UBASH3B: variants seen among roughly 807,000 people sequenced by gnomAD.
The protein encoded by UBASH3B is ubiquitin associated and SH3 domain containing B.
UBASH3B carries 37 observed loss-of-function variants against 83.4 expected under a neutral mutation model. The observed-to-expected ratio is 0.44, with a 90% CI of 0.34 to 0.58. The LOEUF is 0.58. Among genes scored for constraint, UBASH3B ranks in the 20% least tolerant of loss-of-function variants. The pLI is 0.01. For missense variants in UBASH3B, 657 were observed against 827.2 expected (o/e 0.79, Z 2.52); for synonymous variants, 304 against 318.3 (o/e 0.96, Z 0.48).
At chr11:122,720,059 C>T (rs1425228682) in intron 1 of UBASH3B, among the ~76,000 whole-genome samples, 1 of 152,174 alleles carries the variant, frequency 6.6e-6, no homozygotes, top group Non-Finnish European at 1.5e-5. Flanking sequence ...TCTAAACTCA[C>T]CCCCATAGTA....
chr11:122,670,179 ATGTGTG>A (rs34408096), intron 1 of UBASH3B, among the ~76,000 whole-genome samples: 1 of 149,410 alleles, frequency 6.7e-6, no homozygotes, highest in African/African-American at 2.5e-5. Flanking sequence ...CTGAGTGTGA[ATGTGTG>A]TGTGTGTGTG....
intron 6 of UBASH3B, among the ~76,000 whole-genome samples, chr11:122,789,644 C>G (rs1294749660): frequency 1.3e-5 from 2 of 152,182 alleles, no homozygotes; most frequent in Admixed American, 6.5e-5. Flanking sequence ...TATCCTGGGT[C>G]ATGAGTCAGG....
At chr11:122,809,714 C>G in intron 13 of UBASH3B, 35 bp from the exon 14 acceptor site, 1 of 1,612,716 alleles carries the variant, frequency 6.2e-7, no homozygotes, top group Non-Finnish European at 8.5e-7. Context: ...AAACCTATCT[C>G]CTAATATCCC....
intron 1 of UBASH3B, among the ~76,000 whole-genome samples, chr11:122,688,275 T>A (rs1288355441): frequency 6.6e-6 from 1 of 151,728 alleles, no homozygotes; most frequent in African/African-American, 2.4e-5. Flanking sequence ...CTTCCTCCCC[T>A]TCCTTCCTCC....
At chr11:122,695,202 G>A (rs986434276) in intron 1 of UBASH3B, among the ~76,000 whole-genome samples, 2 of 152,110 alleles carry the variant, frequency 1.3e-5, no homozygotes, top group Admixed American at 6.5e-5. Flanking sequence ...GACCTCAAGT[G>A]ATCCACCCGT....
At chr11:122,790,515 C>T (rs1298334397) in intron 6 of UBASH3B, among the ~76,000 whole-genome samples, 2 of 152,162 alleles carry the variant, frequency 1.3e-5, no homozygotes, top group Non-Finnish European at 2.9e-5. Context: ...TTAATCCCTA[C>T]AACAACAAGT....
intron 11 of UBASH3B, among the ~76,000 whole-genome samples, chr11:122,802,313 GAA>G (rs147011358): frequency 0.19 from 12,269 of 65,064 alleles, 398 homozygotes; most frequent in Admixed American, 0.28. Flanking sequence ...GACTCTGTCT[GAA>G]AAAAAAAAAA....
chr11:122,743,055 C>G (rs1861052010), intron 1 of UBASH3B, among the ~76,000 whole-genome samples: 1 of 152,162 alleles, frequency 6.6e-6, no homozygotes, highest in Non-Finnish European at 1.5e-5. Flanking sequence ...TCTCTTTAGT[C>G]TTCTCTCCTT....
chr11:122,804,088 C>T (rs548775481), intron 11 of UBASH3B, among the ~76,000 whole-genome samples: 1 of 152,256 alleles, frequency 6.6e-6, no homozygotes, highest in East Asian at 1.9e-4. Context: ...CTACATAAAT[C>T]TCACACATTA....
chr11:122,776,420 A>G, intron 2 of UBASH3B, 148 bp downstream of exon 2: 2 of 682,842 alleles, frequency 2.9e-6, no homozygotes, highest in Non-Finnish European at 4.7e-6. Flanking sequence ...TATCAAGTCA[A>G]TTGCCTCCTC....
chr11:122,700,483 A>G (rs1446692291), intron 1 of UBASH3B, among the ~76,000 whole-genome samples: 1 of 138,328 alleles, frequency 7.2e-6, no homozygotes, highest in Non-Finnish European at 1.5e-5. Context: ...TCACTCTCAT[A>G]GTTTACTTCT....
At chr11:122,740,981 G>C (rs76412677) in intron 1 of UBASH3B, among the ~76,000 whole-genome samples, 1 of 152,160 alleles carries the variant, frequency 6.6e-6, no homozygotes, top group Non-Finnish European at 1.5e-5. Context: ...CAAATCGTTC[G>C]CAGGGATTTT....
chr11:122,676,453 C>T (rs937975223), intron 1 of UBASH3B, among the ~76,000 whole-genome samples: 16 of 152,064 alleles, frequency 1.1e-4, no homozygotes, highest in Admixed American at 5.9e-4. Flanking sequence ...GCAGGAGAAT[C>T]GCTTGAAAAC....
Position 122,727,027 on chromosome 11 carries a change from C to T in UBASH3B, c.162-49192C>T, listed in dbSNP as rs1259108289. Among the ~76,000 whole-genome samples the T allele has an allele frequency of 2.6e-5, 4 of 152,290 alleles. No homozygotes were observed. The South Asian group carries it at 8.3e-4, about 32-fold the overall frequency. ...AGGACTTATTTTTAAAAAAGGATTC[C>T]GATTGCTAATTGTTAACAAGTTGCT... On this transcript the variant is annotated intron_variant, in intron 1 of 13. Transcript: ENST00000284273.
At chr11:122,755,891 T>G (rs1424527314) in intron 1 of UBASH3B, among the ~76,000 whole-genome samples, 1 of 152,230 alleles carries the variant, frequency 6.6e-6, no homozygotes, top group African/African-American at 2.4e-5. Flanking sequence ...ATTAATTTGA[T>G]TGTCTGTTTC....
At chr11:122,707,418 C>T (rs1045746222) in intron 1 of UBASH3B, among the ~76,000 whole-genome samples, 12 of 152,162 alleles carry the variant, frequency 7.9e-5, no homozygotes, top group African/African-American at 2.4e-4. Flanking sequence ...TTGCCTCTTC[C>T]TCCTCTGGGC....
At chr11:122,788,194 T>A (rs1385330305) in intron 5 of UBASH3B, among the ~76,000 whole-genome samples, 1 of 152,246 alleles carries the variant, frequency 6.6e-6, no homozygotes, top group Non-Finnish European at 1.5e-5. Context: ...CACTGATGTC[T>A]AGACATTTTT....
chr11:122,740,530 G>A (rs1281950644), intron 1 of UBASH3B, among the ~76,000 whole-genome samples: 1 of 152,226 alleles, frequency 6.6e-6, no homozygotes, highest in East Asian at 1.9e-4. Context: ...GATGCACACG[G>A]CAACCATATG....
At chr11:122,777,423 C>T (rs1860757520) in intron 3 of UBASH3B, among the ~76,000 whole-genome samples, 1 of 152,188 alleles carries the variant, frequency 6.6e-6, no homozygotes, top group Non-Finnish European at 1.5e-5. Flanking sequence ...CAGGAGCACC[C>T]CAGGATGGGG....
Sources: allele counts gnomAD v4.1 joint callset (sites outside exome capture counted in the v4.1 genomes callset), GRCh38; gene constraint gnomAD v4.1.1; transcripts MANE v1.5; gene names NCBI Gene and HGNC (gene_info 2026-07-23, HGNC 2026-07-21).